PCIF1: variants seen among roughly 807,000 people sequenced by gnomAD.
PCIF1 encodes the protein phosphorylated CTD interacting factor 1, also known as mRNA (2'-O-methyladenosine-N(6)-)-methyltransferase.
Under a neutral mutation model 86.9 loss-of-function variants are expected in PCIF1, and 12 were observed. The ratio of observed to expected loss-of-function variants is 0.14; its 90% CI spans 0.09 to 0.22. PCIF1 has a LOEUF of 0.22. Among genes scored for constraint, PCIF1 ranks in the 10% least tolerant of loss-of-function variants. The probability of loss-of-function intolerance (pLI) is 1.00; values close to 1 mark genes in which losing one functional copy is unlikely to be tolerated. For missense variants in PCIF1, 701 were observed against 951.1 expected (o/e 0.74, Z 3.46); for synonymous variants, 397 against 372.0 (o/e 1.07, Z -0.77).
rs1343660570 is a variant in PCIF1 at position 45,947,751 on chromosome 20, C to T, written c.2111C>T (p.Thr704Ile). 1.9e-6 allele frequency: 3 copies of T among 1,598,138 alleles called. No homozygotes were observed. The highest frequency in any genetic ancestry group is 1.1e-5 in the South Asian group (1 of 90,274). Reference sequence around the variant, plus strand: ...GGTCCTAGCCGCGAGCCTCACCCCACTTAACATATCCTGCGGGGAGGAGGA... The same window carrying T: ...GGTCCTAGCCGCGAGCCTCACCCCATTTAACATATCCTGCGGGGAGGAGGA... ...EQGPSREPHP[T>I] Residue 704 changes from threonine to isoleucine, a missense_variant, in exon 17 of 17, where the codon ACT becomes ATT. Around this residue, in one of 7 missense-constraint regions of PCIF1, gnomAD observed 174 missense variants for 206.9 expected, o/e 0.84. Coordinates refer to ENST00000372409, the MANE Select transcript of PCIF1 (RefSeq NM_022104.4). The surrounding 1 kb of genome is among the most constrained non-coding windows in gnomAD (Gnocchi z 5.4).
Position 45,940,795 on chromosome 20 carries a change from G to T in PCIF1, c.388-14G>T, listed in dbSNP as rs2083462929. ...GAATCTCCTGACTTGACACCTTTGT[G>T]ACTTTCACTACAGATTGAAATCCCA... On this transcript the variant is annotated splice_polypyrimidine_tract_variant and intron_variant, in intron 5 of 16. Coordinates refer to ENST00000372409, the MANE Select transcript of PCIF1 (RefSeq NM_022104.4). The T allele has an allele frequency of 6.2e-7, 1 of 1,611,692 alleles. No homozygotes were observed. Among genetic ancestry groups the T allele is most frequent in the Non-Finnish European group, 8.5e-7 (1 of 1,178,592 alleles).
chr20:45,938,899 G>T (rs896262064), intron 2 of PCIF1, 82 bp from the exon 3 acceptor site: 2 of 1,547,406 alleles, frequency 1.3e-6, no homozygotes, highest in Non-Finnish European at 1.8e-6. Flanking sequence ...CCACATCGGT[G>T]GGTGGTCACT....
intron 4 of PCIF1, among the ~76,000 whole-genome samples, chr20:45,940,189 C>A (rs1194683541): frequency 1.3e-5 from 2 of 152,164 alleles, no homozygotes. Context: ...TGCCAGATGC[C>A]ATGTTAAGCA....
In PCIF1 at chr20:45,948,011, AC is replaced by A. The variant is rs535208844; in HGVS notation, c.*263del. ...TTCATTTGTAAAAGGAAATACAGAA[AC>A]CCCCCCAAGAATGTGTGAGGGTCTT... On this transcript the variant is annotated 3_prime_UTR_variant, in exon 17 of 17. Coordinates refer to ENST00000372409, the MANE Select transcript of PCIF1 (RefSeq NM_022104.4). The A allele has an allele frequency of 4.8e-6, 7 of 1,472,236 alleles. No individual in the cohort carries two copies. The highest frequency in any genetic ancestry group is 1.7e-4 in the Middle Eastern group (1 of 5,774). 91.2% of individuals were successfully genotyped at this position (1,472,236 alleles called of 1,614,324 possible). A position where few individuals can be genotyped will look rare whatever the true frequency, so the allele number is the denominator to read the frequency against.
In PCIF1 at chr20:45,943,780, G is replaced by T; in HGVS notation, c.1005+15G>T. 1 of 1,547,754 alleles carries T rather than the reference G, an allele frequency of 6.5e-7. No homozygotes were observed. Among genetic ancestry groups the T allele is most frequent in the Non-Finnish European group, 8.7e-7 (1 of 1,143,964 alleles). On this transcript the variant is annotated intron_variant, in intron 10 of 16. Transcript: ENST00000372409. The surrounding 1 kb of genome is among the most constrained non-coding windows in gnomAD (Gnocchi z 5.5). ...AGGACTACATGGTGAGTGGGTCCCC[G>T]GGTGAGAAGGCCAGTTTTAGGGCTC...
chr20:45,940,657 G>T (rs760337189), intron 5 of PCIF1, 45 bp downstream of exon 5: 1 of 1,581,080 alleles, frequency 6.3e-7, no homozygotes, highest in East Asian at 2.2e-5. Flanking sequence ...GGCCGGCTCA[G>T]ACGGGCCGCC....
intron 11 of PCIF1, among the ~76,000 whole-genome samples, chr20:45,945,411 C>T (rs760869690): frequency 6.6e-5 from 10 of 152,342 alleles, no homozygotes; most frequent in Non-Finnish European, 1.3e-4. Context: ...ATGCAGTTCT[C>T]GTTCTTCTGC....
intron 1 of PCIF1, among the ~76,000 whole-genome samples, chr20:45,936,886 C>T (rs1007808538): frequency 6.6e-6 from 1 of 152,192 alleles, no homozygotes; most frequent in Admixed American, 6.5e-5. Flanking sequence ...CGAGATCGTG[C>T]AATGCACTCC....
intron 2 of PCIF1, 168 bp downstream of exon 2, chr20:45,937,753 C>T (rs534869971): frequency 2.5e-6 from 1 of 395,624 alleles, no homozygotes; most frequent in South Asian, 1.4e-4. Context: ...TACATATGTC[C>T]TGTTGCCCCC....
At position 45,939,207 on chromosome 20, in the gene PCIF1, G is replaced by A. The variant is rs968757565; in HGVS notation, c.125-8G>A. The stretch of plus-strand genomic sequence containing the variant: ...CTGACCCTGGCTGGGCTCCGTGCCT[G>A]TTTGCAGAGGAGCTGGTGCATGCAG... On this transcript the variant is annotated splice_region_variant and splice_polypyrimidine_tract_variant and intron_variant, in intron 3 of 16. Transcript: ENST00000372409. 3 of 1,614,020 alleles carry A rather than the reference G, an allele frequency of 1.9e-6. No homozygotes were observed. Among genetic ancestry groups the A allele is most frequent in the Non-Finnish European group, 2.5e-6 (3 of 1,180,028 alleles).
In PCIF1 at chr20:45,938,963, T is replaced by C; in HGVS notation, c.-19-18T>C. The C allele has an allele frequency of 6.2e-7, 1 of 1,612,448 alleles. No individual in the cohort carries two copies. The highest frequency in any genetic ancestry group is 8.5e-7 in the Non-Finnish European group (1 of 1,179,262). ...GTGAGGGGGTGGAGCTGACACTCTT[T>C]GGTCCTCTGTGTGGCAGGTCCTGTG... On this transcript the variant is annotated intron_variant, in intron 2 of 16. Coordinates refer to ENST00000372409, the MANE Select transcript of PCIF1 (RefSeq NM_022104.4).
intron 1 of PCIF1, among the ~76,000 whole-genome samples, chr20:45,936,251 T>G (rs2083424629): frequency 6.6e-6 from 1 of 152,048 alleles, no homozygotes; most frequent in Non-Finnish European, 1.5e-5. Flanking sequence ...CTCAGCTCAC[T>G]GCAACCTCCG....
At position 45,945,697 on chromosome 20, in the gene PCIF1, C is replaced by T. The variant is rs567190105; in HGVS notation, c.1169-14C>T. The T allele has an allele frequency of 6.8e-6, 11 of 1,610,074 alleles. No homozygotes were observed. In the East Asian group the frequency reaches 1.1e-4, roughly 16 times the overall value. On this transcript the variant is annotated splice_polypyrimidine_tract_variant and intron_variant, in intron 11 of 16. Transcript: ENST00000372409. Reference sequence around the variant, plus strand: ...ATGAGGAGTGTGGTCCCTCACTGCTCTCCCTGCCCACAGAGGAGGTGGAGG... The same window carrying T: ...ATGAGGAGTGTGGTCCCTCACTGCTTTCCCTGCCCACAGAGGAGGTGGAGG...
chr20:45,935,105 C>A lies in PCIF1; in HGVS notation c.-188+301C>A, dbSNP rs1033582448. On this transcript the variant is annotated intron_variant, in intron 1 of 16. Coordinates refer to ENST00000372409, the MANE Select transcript of PCIF1 (RefSeq NM_022104.4). ...TCAGCCCGGGGGCGGGAGCGCGCGG[C>A]GGGGCGGGGGGCGGAGCCCGAGAGA... 2.0e-5 allele frequency among the ~76,000 whole-genome samples: 3 copies of A among 149,844 alleles called. No individual in the cohort carries two copies. In the East Asian group the frequency reaches 6.2e-4, roughly 31 times the overall value.
At chr20:45,938,891 A>C in intron 2 of PCIF1, 90 bp from the exon 3 acceptor site, 3 of 1,530,066 alleles carry the variant, frequency 2.0e-6, no homozygotes, top group Non-Finnish European at 2.7e-6. Context: ...GGATTTCTCC[A>C]CATCGGTGGG....
rs373672995 is a variant in PCIF1, at chr20:45,941,161, C to T, written c.627C>T (p.Ile209=). The stretch of plus-strand genomic sequence containing the variant: ...TGGAACTGCTCCGCTCTCAGCTCAT[C>T]CTGAAGCTTCGGCAGCACTATCGGG... ...PEVELLRSQL[I]LKLRQHYREL... Residue 209 remains isoleucine (I), a synonymous_variant, in exon 7 of 17, where the codon ATC becomes ATT. Transcript: ENST00000372409. The T allele has an allele frequency of 1.2e-6, 2 of 1,614,032 alleles. No homozygotes were observed. The highest frequency in any genetic ancestry group is 1.7e-5 in the Admixed American group (1 of 60,028).
rs964532938 is a variant in PCIF1, at chr20:45,937,758, G to T, written c.-20+173G>T. The T allele has an allele frequency of 5.8e-5, 23 of 395,028 alleles. 1 individual carries two copies. In the East Asian group the frequency reaches 8.2e-4, roughly 14 times the overall value. The allele number at this position is 395,028 out of a possible 1,614,324, so 24.5% of individuals were successfully genotyped here. A position where few individuals can be genotyped will look rare whatever the true frequency, so the allele number is the denominator to read the frequency against. On this transcript the variant is annotated intron_variant, in intron 2 of 16. Coordinates refer to ENST00000372409, the MANE Select transcript of PCIF1 (RefSeq NM_022104.4). ...CTTTTTGTTGTACATATGTCCTGTT[G>T]CCCCCTGCATTTTTATCTGCCAAAC...
chr20:45,942,767 T>TC (rs1214843318), intron 7 of PCIF1, among the ~76,000 whole-genome samples: 9 of 68,286 alleles, frequency 1.3e-4, no homozygotes, highest in Non-Finnish European at 2.6e-4. Flanking sequence ...AGCTAATTTC[T>TC]TTTTTTTTTT....
intron 7 of PCIF1, among the ~76,000 whole-genome samples, chr20:45,942,037 G>A (rs73622633): frequency 1.4e-5 from 2 of 144,104 alleles, no homozygotes; most frequent in Admixed American, 7.1e-5. Flanking sequence ...GTGCAATGGC[G>A]TGATCTCGGC....
Sources: gnomAD v4.1 joint callset for allele counts (sites outside exome capture counted in the v4.1 genomes callset) on GRCh38, gnomAD v4.1.1 for gene constraint, gnomAD v4.1.1 regional missense constraint, Gnocchi (gnomAD v3.1) non-coding constraint, MANE v1.5 for transcripts, NCBI Gene and HGNC (gene_info 2026-07-23, HGNC 2026-07-21) for gene names.